Variants in LIN54 observed in about 807,000 individuals in gnomAD.
LIN54 encodes protein lin-54 homolog.
In LIN54, 9 loss-of-function variants were observed where a neutral mutation model predicts 78.7. That is an observed-to-expected ratio of 0.11 (90% confidence interval 0.07 to 0.20). LIN54 has a LOEUF of 0.20. LIN54 is among the 10% of genes least tolerant of loss of function. The pLI is 1.00. For missense variants in LIN54, 573 were observed against 889.9 expected (o/e 0.64, Z 4.53); for synonymous variants, 269 against 318.4 (o/e 0.84, Z 1.65).
rs1438262861 is a variant in LIN54, at chr4:82,925,823, T to G, written c.*2279A>C. On this transcript the variant is annotated 3_prime_UTR_variant, in exon 13 of 13. Transcript: ENST00000340417. ...TTGAATAGCTCTAGTAAATATAAAT[T>G]TAATCTTTCTACTTTGGGATGTAAA... 2 of 152,616 alleles carry G rather than the reference T, an allele frequency of 1.3e-5. No homozygotes were observed. Among genetic ancestry groups the G allele is most frequent in the Non-Finnish European group, 2.9e-5 (2 of 68,010 alleles). The allele number at this position is 152,616 out of a possible 1,614,324, so 9.5% of individuals were successfully genotyped here.
chr4:82,959,862 CTTCT>C (rs375012799), intron 4 of LIN54, among the ~76,000 whole-genome samples: 2 of 151,904 alleles, frequency 1.3e-5, no homozygotes, highest in African/African-American at 4.8e-5. Flanking sequence ...TTTTTAATTC[CTTCT>C]GAGTCTTATA....
intron 1 of LIN54, among the ~76,000 whole-genome samples, chr4:82,994,854 C>T (rs966103435): frequency 6.6e-6 from 1 of 151,990 alleles, no homozygotes; most frequent in African/African-American, 2.4e-5. Flanking sequence ...TTACGTCTCC[C>T]CTTCTGCACA....
intron 1 of LIN54, among the ~76,000 whole-genome samples, chr4:83,007,464 C>A (rs1729497369): frequency 6.6e-6 from 1 of 152,138 alleles, no homozygotes; most frequent in East Asian, 1.9e-4. Flanking sequence ...ATAATAACAT[C>A]TCTGAGCTTC....
At chr4:82,935,831 G>T (rs1000278599) in intron 11 of LIN54, 150 bp downstream of exon 11, 2 of 727,198 alleles carry the variant, frequency 2.8e-6, no homozygotes, top group Non-Finnish European at 2.3e-6. Flanking sequence ...AGGCTCGAAG[G>T]CCTTCCTAAA....
chr4:82,960,039 A>G (rs1318360250), intron 4 of LIN54, among the ~76,000 whole-genome samples: 10 of 152,202 alleles, frequency 6.6e-5, no homozygotes, highest in Non-Finnish European at 1.3e-4. Context: ...CATTTTCTCA[A>G]TTTCTAGGAA....
chr4:82,937,297 T>C lies in LIN54; in HGVS notation c.1534A>G (p.Ile512Val), dbSNP rs1257675753. Reference sequence around the variant, plus strand: ...CGACTGGCCGACTCTGATGGGATTATGCTGTACAGATAGAAAAAAAGATAT... The same window carrying C: ...CGACTGGCCGACTCTGATGGGATTACGCTGTACAGATAGAAAAAAAGATAT... ...QTQARLPFNG[I>V]IPSESASRPR... The change falls in exon 9 of 13, where the codon ATA (isoleucine) becomes GTA (valine). Residue 512 changes from isoleucine to valine, a missense_variant and splice_region_variant. By Grantham distance (29) the Ile-to-Val change is conservative. Coordinates refer to ENST00000340417, the MANE Select transcript of LIN54 (RefSeq NM_194282.4). 6.3e-7 allele frequency: 1 copy of C among 1,576,882 alleles called. No individual in the cohort carries two copies. The highest frequency in any genetic ancestry group is 8.7e-7 in the Non-Finnish European group (1 of 1,153,258).
chr4:82,985,937 A>T (rs1727094574), intron 1 of LIN54, among the ~76,000 whole-genome samples: 1 of 152,252 alleles, frequency 6.6e-6, no homozygotes, highest in African/African-American at 2.4e-5. Context: ...CAGATTACGA[A>T]AAACTTTGAG....
At chr4:82,986,174 G>A (rs1241054902) in intron 1 of LIN54, among the ~76,000 whole-genome samples, 1 of 151,940 alleles carries the variant, frequency 6.6e-6, no homozygotes, top group African/African-American at 2.4e-5. Context: ...GGAGTGCAGT[G>A]GCGCAATCTC....
At chr4:82,998,704 G>A (rs1349314011) in intron 1 of LIN54, among the ~76,000 whole-genome samples, 1 of 151,832 alleles carries the variant, frequency 6.6e-6, no homozygotes, top group Non-Finnish European at 1.5e-5. Context: ...CCACTTACAC[G>A]CATTTTTTTT....
chr4:82,938,444 T>C lies in LIN54; in HGVS notation c.1501A>G (p.Ile501Val). Reference protein sequence around the residue: ...SNSTFTGTSGIQTQARLPFNG... With the variant: ...SNSTFTGTSGVQTQARLPFNG... ...AATGGAAGCCGTGCCTGGGTCTGGATACCAGATGTTCCAGTAAAGGTAGAG... is the reference window on the plus strand; with the variant it reads ...AATGGAAGCCGTGCCTGGGTCTGGACACCAGATGTTCCAGTAAAGGTAGAG... The change falls in exon 8 of 13, where the codon ATC becomes GTC. Residue 501 changes from isoleucine to valine, a missense_variant. Coordinates refer to ENST00000340417, the MANE Select transcript of LIN54 (RefSeq NM_194282.4). 2 of 1,611,308 alleles carry C rather than the reference T, an allele frequency of 1.2e-6. No individual in the cohort carries two copies. The highest frequency in any genetic ancestry group is 1.7e-6 in the Non-Finnish European group (2 of 1,177,444).
chr4:83,000,784 A>G (rs1728689525), intron 1 of LIN54, among the ~76,000 whole-genome samples: 1 of 151,172 alleles, frequency 6.6e-6, no homozygotes, highest in Admixed American at 6.6e-5. Flanking sequence ...CATCATTGTT[A>G]TAGACAAAGC....
At chr4:83,012,227 A>T (rs1729892880), upstream of LIN54, among the ~76,000 whole-genome samples, 1 of 152,016 alleles carries the variant, frequency 6.6e-6, no homozygotes, top group Non-Finnish European at 1.5e-5. Context: ...GTTGCTGGCC[A>T]AGCTAAGTCC....
At chr4:83,001,184 G>T (rs984453613) in intron 1 of LIN54, among the ~76,000 whole-genome samples, 10 of 152,052 alleles carry the variant, frequency 6.6e-5, no homozygotes, top group African/African-American at 7.2e-5. Flanking sequence ...TAGGATTTAT[G>T]ACATAACCAA....
intron 1 of LIN54, among the ~76,000 whole-genome samples, chr4:82,996,635 A>C (rs1445604430): frequency 1.3e-5 from 2 of 151,700 alleles, no homozygotes; most frequent in African/African-American, 4.8e-5. Flanking sequence ...CGAACTCTTG[A>C]CCTCATGATC....
intron 5 of LIN54, among the ~76,000 whole-genome samples, chr4:82,943,243 CTTT>C (rs1233608151): frequency 2.6e-5 from 4 of 152,078 alleles, no homozygotes; most frequent in Non-Finnish European, 5.9e-5. Context: ...GTGTTTGAGG[CTTT>C]TTAACTTCTT....
intron 12 of LIN54, among the ~76,000 whole-genome samples, chr4:82,929,947 G>C (rs1721812586): frequency 6.6e-6 from 1 of 152,106 alleles, no homozygotes; most frequent in Non-Finnish European, 1.5e-5. Context: ...GCCCAAGCTG[G>C]AGTGCAATTG....
rs576276438 is a variant in LIN54, at chr4:82,978,564, G to A, written c.808+319C>T. ...CTACCTCATAGGATTGCTGGGGAAT[G>A]ATATAGTCACTATATGTAAAGGGCT... On this transcript the variant is annotated intron_variant, in intron 3 of 12. Coordinates refer to ENST00000340417, the MANE Select transcript of LIN54 (RefSeq NM_194282.4). Among the ~76,000 whole-genome samples the A allele has an allele frequency of 2.0e-5, 3 of 152,306 alleles. No individual in the cohort carries two copies. The East Asian group carries it at 5.8e-4, about 29-fold the overall frequency.
rs556680764 is a variant in LIN54, at chr4:82,992,822, A to T, written c.-32-7946T>A. On this transcript the variant is annotated intron_variant, in intron 1 of 12. Transcript: ENST00000340417. The stretch of plus-strand genomic sequence containing the variant: ...GGTGGGTGGATCACGAGGTCAGGAG[A>T]TTGAGACCATCCTGGTTAACACGGT... Among the ~76,000 whole-genome samples, 860 of 151,652 alleles carry T rather than the reference A, an allele frequency of 5.7e-3. 6 individuals carry two copies. The highest frequency in any genetic ancestry group is 8.0e-3 in the Non-Finnish European group (544 of 67,726).
At position 82,926,648 on chromosome 4, in the gene LIN54, TAG is replaced by T. The variant is rs1376956943; in HGVS notation, c.*1452_*1453del. 2 of 152,188 alleles carry T rather than the reference TAG, an allele frequency of 1.3e-5. No homozygotes were observed. Among genetic ancestry groups the T allele is most frequent in the Non-Finnish European group, 2.9e-5 (2 of 68,026 alleles). 9.4% of individuals were successfully genotyped at this position (152,188 alleles called of 1,614,324 possible). On this transcript the variant is annotated 3_prime_UTR_variant, in exon 13 of 13. Coordinates refer to ENST00000340417, the MANE Select transcript of LIN54 (RefSeq NM_194282.4). ...CTGTCACAACAGGCTCTTAAATTCA[TAG>T]AGTTTTTGAATACTGAAAATGATTT...
Sources: gnomAD v4.1 joint callset for allele counts (sites outside exome capture counted in the v4.1 genomes callset) on GRCh38, gnomAD v4.1.1 for gene constraint, MANE v1.5 for transcripts, NCBI Gene and HGNC (gene_info 2026-07-23, HGNC 2026-07-21) for gene names.